TTC17: variants seen among roughly 807,000 people sequenced by gnomAD.
TTC17 encodes the protein tetratricopeptide repeat domain 17, also known as tetratricopeptide repeat protein 17.
In TTC17, 58 loss-of-function variants were observed where a neutral mutation model predicts 143.8. The ratio of observed to expected loss-of-function variants is 0.40; its 90% CI spans 0.33 to 0.50. The LOEUF is 0.50. Among genes scored for constraint, TTC17 ranks in the 20% least tolerant of loss-of-function variants. TTC17 has a pLI of 0.49. For synonymous variants in TTC17, 501 were observed against 497.8 expected (o/e 1.01, Z -0.09); for missense variants, 1,273 against 1,392.5 (o/e 0.91, Z 1.37).
rs200683669 is a variant in TTC17 at position 43,450,150 on chromosome 11, A to C, written c.2855A>C (p.Asn952Thr). 1 of 1,614,124 alleles carries C rather than the reference A, an allele frequency of 6.2e-7. No individual in the cohort carries two copies. Among genetic ancestry groups the C allele is most frequent in the African/African-American group, 1.3e-5 (1 of 75,038 alleles). Reference protein sequence around the residue: ...QPAMEPLCNGNLPTSMHTLDH... With the variant: ...QPAMEPLCNGTLPTSMHTLDH... ...GCAATGGAGCCTCTTTGCAATGGCA[A>C]TCTCCCCACGAGTATGCATACCCTG... is the stretch of plus-strand genomic sequence containing the variant. The change falls in exon 20 of 24, where the codon AAT (asparagine) becomes ACT (threonine). Residue 952 changes from asparagine (N) to threonine (T), a missense_variant. This residue lies in a region of TTC17 where 878 missense variants were observed against 899.8 expected (regional missense o/e 0.98). Transcript: ENST00000039989.
intron 1 of TTC17, among the ~76,000 whole-genome samples, chr11:43,363,851 A>T (rs1856217723): frequency 6.6e-6 from 1 of 152,202 alleles, no homozygotes; most frequent in Admixed American, 6.5e-5. Flanking sequence ...ACAAAGAAAC[A>T]TAAAAGCAAA....
chr11:43,359,755 T>TAGG (rs1856020958), intron 1 of TTC17, among the ~76,000 whole-genome samples: 1 of 152,266 alleles, frequency 6.6e-6, no homozygotes, highest in African/African-American at 2.4e-5. Context: ...TTTCAGCTGT[T>TAGG]ACTGCCCTCG....
intron 8 of TTC17, among the ~76,000 whole-genome samples, chr11:43,399,641 G>T (rs1464007906): frequency 6.6e-6 from 1 of 152,098 alleles, no homozygotes; most frequent in Non-Finnish European, 1.5e-5. Context: ...CTACAATCAG[G>T]CCTCTCCATC....
At chr11:43,493,303 C>T (rs888161456) in intron 23 of TTC17, among the ~76,000 whole-genome samples, 2 of 152,052 alleles carry the variant, frequency 1.3e-5, no homozygotes, top group Non-Finnish European at 2.9e-5. Flanking sequence ...GTTGAGATAC[C>T]GGACTTAGTT....
At chr11:43,365,658 A>G (rs1856307914) in intron 1 of TTC17, among the ~76,000 whole-genome samples, 2 of 152,180 alleles carry the variant, frequency 1.3e-5, no homozygotes, top group Admixed American at 6.5e-5. Flanking sequence ...GTAGTTCTCA[A>G]ACTTTACCTT....
Position 43,443,615 on chromosome 11 carries a change from TG to T in TTC17, c.2511+32del, listed in dbSNP as rs760056202. 16 of 1,586,390 alleles carry T rather than the reference TG, an allele frequency of 1.0e-5. No homozygotes were observed. In the South Asian group the frequency reaches 1.8e-4, roughly 18 times the overall value. ...TTTGCCAACTTAATTCTCACAAAAT[TG>T]TAGCCCATGCCTTTCAGGGGATCCT... is the stretch of plus-strand genomic sequence containing the variant. On this transcript the variant is annotated intron_variant, in intron 17 of 23. Transcript: ENST00000039989.
chr11:43,364,379 C>G (rs1856246794), intron 1 of TTC17, among the ~76,000 whole-genome samples: 1 of 151,998 alleles, frequency 6.6e-6, no homozygotes, highest in African/African-American at 2.4e-5. Context: ...TAAGTGAAGG[C>G]CTGGTTTAAT....
intron 21 of TTC17, among the ~76,000 whole-genome samples, chr11:43,461,524 T>C (rs182064624): frequency 2.7e-5 from 4 of 150,888 alleles, no homozygotes; most frequent in East Asian, 3.9e-4. Context: ...AAAACAAATA[T>C]GTGTTCAAAC....
chr11:43,435,095 A>AT (rs1375547733), intron 16 of TTC17: 2 of 151,754 alleles, frequency 1.3e-5, no homozygotes, highest in African/African-American at 4.8e-5. Context: ...AGATAGATAG[A>AT]TAGATAGATA....
intron 10 of TTC17, among the ~76,000 whole-genome samples, chr11:43,402,558 C>T (rs1009610944): frequency 1.3e-5 from 2 of 151,720 alleles, no homozygotes; most frequent in African/African-American, 4.8e-5. Context: ...GCAAGTACAG[C>T]CAGAATTCTG....
intron 21 of TTC17, among the ~76,000 whole-genome samples, chr11:43,461,231 A>G (rs1947859130): frequency 6.6e-6 from 1 of 151,832 alleles, no homozygotes; most frequent in Non-Finnish European, 1.5e-5. Flanking sequence ...AAAAATACAA[A>G]AAATTAGCCG....
At chr11:43,437,859 T>C (rs987539487) in intron 16 of TTC17, among the ~76,000 whole-genome samples, 1 of 152,202 alleles carries the variant, frequency 6.6e-6, no homozygotes, top group African/African-American at 2.4e-5. Flanking sequence ...GGTTATCTAC[T>C]CAGAGTTCCC....
At chr11:43,381,677 A>G (rs1856974329) in intron 2 of TTC17, among the ~76,000 whole-genome samples, 1 of 152,240 alleles carries the variant, frequency 6.6e-6, no homozygotes, top group African/African-American at 2.4e-5. Context: ...TATTTGGGAT[A>G]GGAACTCGAA....
intron 12 of TTC17, 54 bp from the exon 13 acceptor site, chr11:43,405,732 T>C (rs1858091972): frequency 1.2e-6 from 2 of 1,612,336 alleles, no homozygotes; most frequent in Non-Finnish European, 1.7e-6. Context: ...AGTCTTTATC[T>C]TGAAGTCACC....
chr11:43,449,955 T>C, intron 19 of TTC17, 127 bp from the exon 20 acceptor site: 2 of 1,035,954 alleles, frequency 1.9e-6, no homozygotes, highest in South Asian at 1.7e-5. Context: ...AATCAGGGGA[T>C]AGCATGTTGA....
At chr11:43,478,087 T>A (rs999179860) in intron 21 of TTC17, among the ~76,000 whole-genome samples, 1 of 152,080 alleles carries the variant, frequency 6.6e-6, no homozygotes, top group Non-Finnish European at 1.5e-5. Context: ...TTGTGAGAAA[T>A]AACAGGGAAC....
At chr11:43,407,628 A>G in intron 15 of TTC17, 51 bp downstream of exon 15, 1 of 1,490,326 alleles carries the variant, frequency 6.7e-7, no homozygotes, top group Non-Finnish European at 9.2e-7. Flanking sequence ...GGGTAACTCA[A>G]ATTTAGATTA....
chr11:43,388,797 A>C (rs1281085431), intron 2 of TTC17, among the ~76,000 whole-genome samples: 1 of 151,548 alleles, frequency 6.6e-6, no homozygotes, highest in Non-Finnish European at 1.5e-5. Flanking sequence ...AACATGGTAA[A>C]ACCCCATCTG....
rs767032345 is a variant in TTC17 at position 43,407,222 on chromosome 11, C to G, written c.1839+7C>G. On this transcript the variant is annotated splice_region_variant and intron_variant, in intron 14 of 23. Transcript: ENST00000039989. ...ATTTCATGCTATTAATAAGGTGAGT[C>G]ATTTACTTTAGACATCTAAAACTTA... The G allele has an allele frequency of 1.3e-6, 2 of 1,583,340 alleles. No homozygotes were observed. Among genetic ancestry groups the G allele is most frequent in the Non-Finnish European group, 1.7e-6 (2 of 1,164,650 alleles).
Sources: allele counts gnomAD v4.1 joint callset (sites outside exome capture counted in the v4.1 genomes callset), GRCh38; gene constraint gnomAD v4.1.1; regional missense constraint gnomAD v4.1.1; transcripts MANE v1.5; gene names NCBI Gene and HGNC (gene_info 2026-07-23, HGNC 2026-07-21).